MAP3K7: variants seen among roughly 807,000 people sequenced by gnomAD.
MAP3K7 encodes the protein TGF-beta activated kinase 1.
In MAP3K7, 21 loss-of-function variants were observed where a neutral mutation model predicts 84.8. That is an observed-to-expected ratio of 0.25 (90% confidence interval 0.18 to 0.36). The LOEUF (loss-of-function observed/expected upper bound fraction) is 0.36, where lower values mean the gene tolerates loss of function less well. Ranked by LOEUF, MAP3K7 falls within the 10% of genes least tolerant of loss-of-function variation. MAP3K7 has a pLI of 1.00. For missense variants in MAP3K7, 503 were observed against 747.7 expected (o/e 0.67, Z 3.82); for synonymous variants, 241 against 247.7 (o/e 0.97, Z 0.25).
At chr6:90,530,738 T>G (rs1157329794) in intron 13 of MAP3K7, among the ~76,000 whole-genome samples, 1 of 152,228 alleles carries the variant, frequency 6.6e-6, no homozygotes, top group Non-Finnish European at 1.5e-5. Flanking sequence ...CTGTAGTTTT[T>G]GAGTATGTGA....
At chr6:90,580,609 C>T (rs898861322) in intron 1 of MAP3K7, among the ~76,000 whole-genome samples, 1 of 152,098 alleles carries the variant, frequency 6.6e-6, no homozygotes, top group African/African-American at 2.4e-5. Flanking sequence ...TGTGAGCCAC[C>T]GTACCTAGCC....
chr6:90,534,177 G>A (rs773480298), intron 13 of MAP3K7, among the ~76,000 whole-genome samples: 20 of 152,074 alleles, frequency 1.3e-4, no homozygotes, highest in African/African-American at 2.9e-4. Context: ...ATGGAATCAC[G>A]CTTAGCCAGA....
rs778230576 is a variant in MAP3K7, at chr6:90,564,857, T to G, written c.298-3190A>C. ...TCAGCAAATGTAAAAGAACAGAAAT[T>G]ACAACAAACTGTCTCTCTGACCACA... is the stretch of plus-strand genomic sequence containing the variant. On this transcript the variant is annotated intron_variant, in intron 3 of 16. Coordinates refer to ENST00000369329, the MANE Select transcript of MAP3K7 (RefSeq NM_145331.3). 2.6e-5 allele frequency among the ~76,000 whole-genome samples: 4 copies of G among 152,042 alleles called. 1 individual carries two copies. Among genetic ancestry groups the G allele is most frequent in the South Asian group, 4.1e-4 (2 of 4,822 alleles).
intron 13 of MAP3K7, among the ~76,000 whole-genome samples, chr6:90,525,905 A>G (rs1775306501): frequency 1.3e-5 from 2 of 151,004 alleles, no homozygotes; most frequent in Admixed American, 1.3e-4. Flanking sequence ...ATAAACACAT[A>G]AAGTAAAAAA....
chr6:90,519,155 T>C (rs2127954715), intron 15 of MAP3K7, 103 bp downstream of exon 15: 1 of 710,578 alleles, frequency 1.4e-6, no homozygotes, highest in Non-Finnish European at 2.4e-6. Context: ...ACTAAAAGGA[T>C]AAATTAAGGA....
chr6:90,525,152 A>T (rs1472351016), intron 13 of MAP3K7, among the ~76,000 whole-genome samples: 1 of 152,152 alleles, frequency 6.6e-6, no homozygotes, highest in Non-Finnish European at 1.5e-5. Context: ...TGCTATTTAT[A>T]AGAGACATAT....
chr6:90,543,215 T>G (rs943408974), intron 12 of MAP3K7, among the ~76,000 whole-genome samples: 6 of 152,068 alleles, frequency 3.9e-5, no homozygotes, highest in African/African-American at 1.4e-4. Context: ...GCAGTCCAGA[T>G]TCAATAAATA....
In MAP3K7 at chr6:90,568,637, A is replaced by G. The variant is rs780297318; in HGVS notation, c.232-14T>C. On this transcript the variant is annotated splice_polypyrimidine_tract_variant and intron_variant, in intron 2 of 16. Transcript: ENST00000369329. ...TAACTGCCGAAGCTGTTAAGAAATT[A>G]AGGTTTCTTTTAAAAAGTGATAACT... 1 of 1,596,324 alleles carries G rather than the reference A, an allele frequency of 6.3e-7. No individual in the cohort carries two copies. Among genetic ancestry groups the G allele is most frequent in the Non-Finnish European group, 8.5e-7 (1 of 1,172,168 alleles).
In MAP3K7 at chr6:90,560,142, T is replaced by C. The variant is rs1417350892; in HGVS notation, c.416A>G (p.Gln139Arg). ...HAMSWCLQCS[Q>R]GVAYLHSMQP... ...CATGCTGTGAAGATAAGCCACTCCT[T>C]GGGAACACTGTAAACACCAACTCAT... is the stretch of plus-strand genomic sequence containing the variant. Residue 139 changes from glutamine (Q) to arginine (R), a missense_variant, in exon 5 of 17, where the codon CAA (glutamine) becomes CGA (arginine). This residue lies in a region of MAP3K7 where 97 missense variants were observed against 270.8 expected (regional missense o/e 0.36). Transcript: ENST00000369329. The C allele has an allele frequency of 6.2e-7, 1 of 1,614,182 alleles. No individual in the cohort carries two copies.
Position 90,518,048 on chromosome 6 carries a change from TAC to T in MAP3K7, c.1640+397_1640+398del, listed in dbSNP as rs1440531800. On this transcript the variant is annotated intron_variant, in intron 16 of 16. Coordinates refer to ENST00000369329, the MANE Select transcript of MAP3K7 (RefSeq NM_145331.3). ...CTCAGAAAAACACTCAGTTATGAAATACAGTCTTTTAATAAGTAATCCAATTC... is the reference window on the plus strand; with the variant it reads ...CTCAGAAAAACACTCAGTTATGAAATAGTCTTTTAATAAGTAATCCAATTC... Among the ~76,000 whole-genome samples the T allele has an allele frequency of 2.6e-5, 4 of 151,854 alleles. No individual in the cohort carries two copies. The East Asian group carries it at 5.8e-4, about 22-fold the overall frequency.
chr6:90,559,644 CT>C (rs747095756), intron 5 of MAP3K7, among the ~76,000 whole-genome samples: 1 of 152,126 alleles, frequency 6.6e-6, no homozygotes, highest in Admixed American at 6.5e-5. Context: ...AAGAAATGCC[CT>C]TTTACTTTCC....
chr6:90,518,286 T>C (rs1197726296), intron 16 of MAP3K7, among the ~76,000 whole-genome samples, 161 bp downstream of exon 16: 1 of 151,716 alleles, frequency 6.6e-6, no homozygotes, highest in African/African-American at 2.4e-5. Context: ...AAGGATTGAG[T>C]TTTGCATAAA....
In MAP3K7 at chr6:90,513,800, T is replaced by C. The variant is rs1305273799; in HGVS notation, c.*2701A>G. The C allele has an allele frequency of 6.6e-6, 1 of 152,086 alleles. No individual in the cohort carries two copies. The highest frequency in any genetic ancestry group is 1.5e-5 in the Non-Finnish European group (1 of 67,978). 9.4% of individuals were successfully genotyped at this position (152,086 alleles called of 1,614,324 possible). ...ACCAAAGTTTCACAGGGAAGACCTG[T>C]GATCTCTGGCTACAGGAGCTGAAAT... On this transcript the variant is annotated 3_prime_UTR_variant, in exon 17 of 17. Transcript: ENST00000369329.
chr6:90,525,693 G>A (rs1318904376), intron 13 of MAP3K7, among the ~76,000 whole-genome samples: 4 of 151,774 alleles, frequency 2.6e-5, no homozygotes, highest in African/African-American at 7.3e-5. Flanking sequence ...TCAGCCTCCC[G>A]AGTAACTGGG....
intron 15 of MAP3K7, among the ~76,000 whole-genome samples, 175 bp downstream of exon 15, chr6:90,519,083 A>T (rs1273934911): frequency 6.6e-6 from 1 of 151,918 alleles, no homozygotes; most frequent in Non-Finnish European, 1.5e-5. Flanking sequence ...GCCAATTTAA[A>T]GTTTGATTAA....
At chr6:90,560,543 G>T (rs1035128797) in intron 4 of MAP3K7, among the ~76,000 whole-genome samples, 2 of 152,048 alleles carry the variant, frequency 1.3e-5, no homozygotes, top group Non-Finnish European at 2.9e-5. Context: ...TGTATTTTTA[G>T]TAGAGATAGG....
At chr6:90,525,110 A>T (rs1204565132) in intron 13 of MAP3K7, among the ~76,000 whole-genome samples, 3 of 143,404 alleles carry the variant, frequency 2.1e-5, no homozygotes, top group Non-Finnish European at 3.1e-5. Flanking sequence ...TAAGATATTT[A>T]AAAAAAAATC....
intron 1 of MAP3K7, among the ~76,000 whole-genome samples, chr6:90,586,360 C>CA (rs1777452590): frequency 1.8e-5 from 2 of 113,956 alleles, no homozygotes. Flanking sequence ...GCCTGGGCGA[C>CA]AGAGCGAGAC....
intron 1 of MAP3K7, among the ~76,000 whole-genome samples, chr6:90,583,607 T>C (rs1240092465): frequency 6.6e-6 from 1 of 152,230 alleles, no homozygotes; most frequent in Non-Finnish European, 1.5e-5. Flanking sequence ...TGAATGTGTT[T>C]TCATTTTAGA....
Sources: gnomAD v4.1 joint callset for allele counts (sites outside exome capture counted in the v4.1 genomes callset) on GRCh38, gnomAD v4.1.1 for gene constraint, gnomAD v4.1.1 regional missense constraint, MANE v1.5 for transcripts, NCBI Gene and HGNC (gene_info 2026-07-23, HGNC 2026-07-21) for gene names.